The following RHOBTB1 variants were observed in gnomAD, a reference collection of about 807,000 sequenced individuals.
RHOBTB1 encodes Rho related BTB domain containing 1.
A neutral mutation model predicts 71.6 loss-of-function variants in RHOBTB1; 40 were observed. The observed-to-expected ratio is 0.56, with a 90% confidence interval of 0.43 to 0.73. The LOEUF (loss-of-function observed/expected upper bound fraction) is 0.73, where lower values mean the gene tolerates loss of function less well. RHOBTB1 is among the 30% of genes least tolerant of loss of function. RHOBTB1 has a pLI of 0.00. For missense variants in RHOBTB1, 797 were observed against 894.0 expected, an observed-to-expected ratio of 0.89 and a Z score of 1.38; for synonymous variants, 319 against 334.9, an observed-to-expected ratio of 0.95 and a Z score of 0.52.
chr10:60,985,170 A>T (rs912185350), intron 2 of RHOBTB1, among the ~76,000 whole-genome samples: 1 of 152,252 alleles, frequency 6.6e-6, no homozygotes, highest in African/African-American at 2.4e-5. Flanking sequence ...ACATATAAAC[A>T]TATGAAGAAA....
At chr10:60,939,193 A>G (rs2084766562) in intron 2 of RHOBTB1, among the ~76,000 whole-genome samples, 2 of 152,192 alleles carry the variant, frequency 1.3e-5, no homozygotes, top group Non-Finnish European at 2.9e-5. Context: ...ATGGTGATGT[A>G]TTTGATGACA....
chr10:60,893,584 TTGACTCTTTACTAAGTAAG>T (rs1434436837), intron 4 of RHOBTB1, among the ~76,000 whole-genome samples: 1 of 152,226 alleles, frequency 6.6e-6, no homozygotes, highest in Non-Finnish European at 1.5e-5. Context: ...TGCAGGAATT[TTGACTCTTTACTAAGTAAG>T]GCAAGAAGGT....
intron 1 of RHOBTB1, among the ~76,000 whole-genome samples, chr10:60,990,402 G>A (rs1377905068): frequency 2.0e-5 from 3 of 152,152 alleles, no homozygotes; most frequent in Admixed American, 2.0e-4. Flanking sequence ...TTTTGAGACA[G>A]ATGCAAGACA....
intron 4 of RHOBTB1, among the ~76,000 whole-genome samples, chr10:60,897,870 A>C (rs2082233807): frequency 6.6e-6 from 1 of 151,772 alleles, no homozygotes; most frequent in Non-Finnish European, 1.5e-5. Context: ...ATGCCTGGCT[A>C]ATTTTTTGTA....
chr10:60,928,736 T>C (rs566755398), intron 2 of RHOBTB1, among the ~76,000 whole-genome samples: 2 of 152,114 alleles, frequency 1.3e-5, no homozygotes, highest in East Asian at 3.9e-4. Context: ...CTATAGTAAA[T>C]TAACAATAAT....
upstream of RHOBTB1, among the ~76,000 whole-genome samples, chr10:60,945,476 G>A (rs1028382076): frequency 6.6e-6 from 1 of 152,084 alleles, no homozygotes; most frequent in Non-Finnish European, 1.5e-5. Context: ...AACAGGATGC[G>A]TGAAAAAATT....
chr10:60,946,677 TA>T (rs578108824), upstream of RHOBTB1, among the ~76,000 whole-genome samples: 2 of 152,084 alleles, frequency 1.3e-5, no homozygotes, highest in East Asian at 1.9e-4. Context: ...AGTTCTAAGT[TA>T]AAAAAAGTTC....
chr10:60,931,312 C>T (rs2084238925), intron 2 of RHOBTB1, among the ~76,000 whole-genome samples: 1 of 152,140 alleles, frequency 6.6e-6, no homozygotes, highest in Non-Finnish European at 1.5e-5. Flanking sequence ...CCAAAGAAAC[C>T]TTGTGCCCAC....
intron 2 of RHOBTB1, among the ~76,000 whole-genome samples, chr10:60,964,690 A>G (rs2085899353): frequency 6.6e-6 from 1 of 152,110 alleles, no homozygotes; most frequent in Non-Finnish European, 1.5e-5. Flanking sequence ...TCAATGCCCC[A>G]GAAACCAGAA....
chr10:60,872,905 A>T (rs1436880267), intron 9 of RHOBTB1, among the ~76,000 whole-genome samples: 1 of 151,996 alleles, frequency 6.6e-6, no homozygotes, highest in Non-Finnish European at 1.5e-5. Flanking sequence ...AAAATCAACT[A>T]TCTACTCCCC....
chr10:60,865,433 A>G (rs533687629), downstream of RHOBTB1, among the ~76,000 whole-genome samples: 32 of 152,346 alleles, frequency 2.1e-4, no homozygotes, highest in Non-Finnish European at 3.8e-4. Flanking sequence ...ACATGATTAA[A>G]TCAAGCTAGG....
chr10:60,862,312 C>A, the RHOBTB1 span, among the ~76,000 whole-genome samples: 1 of 152,078 alleles, frequency 6.6e-6, no homozygotes, highest in Non-Finnish European at 1.5e-5. Flanking sequence ...ATTCTCCCAC[C>A]TCAGCCTCTC....
chr10:60,945,693 T>G (rs1050488572), upstream of RHOBTB1, among the ~76,000 whole-genome samples: 1 of 152,168 alleles, frequency 6.6e-6, no homozygotes, highest in African/African-American at 2.4e-5. Flanking sequence ...AATAGTGGAA[T>G]CCAATGTTTT....
intron 2 of RHOBTB1, among the ~76,000 whole-genome samples, chr10:60,965,303 A>G (rs566344139): frequency 6.6e-6 from 1 of 152,240 alleles, no homozygotes; most frequent in South Asian, 2.1e-4. Context: ...TATTTTGCTC[A>G]TCTCTGTATC....
chr10:60,895,683 C>T (rs1369976658), intron 4 of RHOBTB1, among the ~76,000 whole-genome samples: 2 of 152,250 alleles, frequency 1.3e-5, no homozygotes, highest in African/African-American at 2.4e-5. Flanking sequence ...GGATTACAGG[C>T]GCAAGCCACC....
downstream of RHOBTB1, among the ~76,000 whole-genome samples, chr10:60,864,674 CTTATT>C (rs1477171301): frequency 5.9e-5 from 9 of 151,794 alleles, no homozygotes; most frequent in African/African-American, 1.9e-4. Flanking sequence ...CAGATGACTA[CTTATT>C]TTATTTTATC....
chr10:60,995,727 C>T (rs2087024793), intron 1 of RHOBTB1, among the ~76,000 whole-genome samples: 2 of 152,134 alleles, frequency 1.3e-5, no homozygotes, highest in South Asian at 4.1e-4. Flanking sequence ...ATTTTGCTCA[C>T]TTGTTTCTGC....
chr10:60,936,034 G>A (rs1223717090), intron 2 of RHOBTB1, among the ~76,000 whole-genome samples: 1 of 152,192 alleles, frequency 6.6e-6, no homozygotes, highest in Non-Finnish European at 1.5e-5. Flanking sequence ...ACTTTAAAGT[G>A]TGCTATATGT....
At chr10:60,940,499 C>A (rs1365439268) in intron 2 of RHOBTB1, among the ~76,000 whole-genome samples, 1 of 152,146 alleles carries the variant, frequency 6.6e-6, no homozygotes, top group East Asian at 1.9e-4. Flanking sequence ...CTACGTGGTG[C>A]CTTTCAGACA....
Sources: gnomAD v4.1 joint callset for allele counts (sites outside exome capture counted in the v4.1 genomes callset) on GRCh38, gnomAD v4.1.1 for gene constraint, MANE v1.5 for transcripts, NCBI Gene and HGNC (gene_info 2026-07-23, HGNC 2026-07-21) for gene names.